Variants in NT5C1B observed in about 807,000 individuals in gnomAD.
The protein encoded by NT5C1B is 5'-nucleotidase, cytosolic IB.
In NT5C1B, 44 loss-of-function variants were observed where a neutral mutation model predicts 57.8. The ratio of observed to expected loss-of-function variants is 0.76; its 90% CI spans 0.60 to 0.98. The LOEUF (loss-of-function observed/expected upper bound fraction) is 0.98. Ranked by LOEUF, NT5C1B falls within the 50% of genes least tolerant of loss-of-function variation. NT5C1B has a pLI of 0.00. For synonymous variants in NT5C1B, 284 were observed against 282.6 expected (o/e 1.00, Z -0.05); for missense variants, 742 against 719.5 (o/e 1.03, Z -0.36).
chr2:18,563,606 T>G, exon 9 of NT5C1B: 1 of 530,604 alleles, frequency 1.9e-6, no homozygotes, highest in South Asian at 4.1e-5. Context: ...TATTGGTAGT[T>G]CAAAGAGAAG....
intron 8 of NT5C1B, among the ~76,000 whole-genome samples, chr2:18,567,475 G>A (rs1026304053): frequency 1.3e-5 from 2 of 152,220 alleles, no homozygotes; most frequent in Non-Finnish European, 2.9e-5. Flanking sequence ...TAGCTGGGAA[G>A]GGGTAAGAAT....
At chr2:18,574,144 G>T (rs1421658839) in intron 8 of NT5C1B, among the ~76,000 whole-genome samples, 3 of 151,990 alleles carry the variant, frequency 2.0e-5, no homozygotes, top group African/African-American at 4.8e-5. Context: ...AATTAAGCTG[G>T]TTAAAAATGG....
At chr2:18,577,006 G>C in intron 6 of NT5C1B, 111 bp from the exon 7 acceptor site, 2 of 1,535,756 alleles carry the variant, frequency 1.3e-6, no homozygotes, top group Non-Finnish European at 1.7e-6. Flanking sequence ...AATTCAACTG[G>C]CTTTATTTGT....
At chr2:18,574,774 A>G (rs1044150337) in intron 8 of NT5C1B, among the ~76,000 whole-genome samples, 1 of 152,124 alleles carries the variant, frequency 6.6e-6, no homozygotes, top group Admixed American at 6.5e-5. Context: ...ATGGTATTGT[A>G]CACTTAAAAA....
chr2:18,583,949 TG>T, intron 5 of NT5C1B, 138 bp downstream of exon 5: 1 of 1,475,196 alleles, frequency 6.8e-7, no homozygotes, highest in Non-Finnish European at 9.4e-7. Context: ...TAAACTGACC[TG>T]GGTCAGCTAG....
At chr2:18,571,718 GTATA>G (rs59799495) in intron 8 of NT5C1B, among the ~76,000 whole-genome samples, 6,195 of 110,296 alleles carry the variant, frequency 0.056, 307 homozygotes, top group Admixed American at 0.12. Context: ...CTGTGTGTGT[GTATA>G]TATATATATA....
intron 6 of NT5C1B, among the ~76,000 whole-genome samples, chr2:18,580,425 T>C (rs1451579847): frequency 6.6e-6 from 1 of 151,988 alleles, no homozygotes; most frequent in East Asian, 1.9e-4. Context: ...ACTGGCCAGA[T>C]CAACATGGAG....
chr2:18,586,789 C>A, intron 2 of NT5C1B: 2 of 855,152 alleles, frequency 2.3e-6, no homozygotes, highest in East Asian at 2.8e-5. Flanking sequence ...AAGGTGAGGG[C>A]AACTGGTGCC....
Position 18,576,755 on chromosome 2 carries a change from A to G in NT5C1B, c.1144+18T>C. The G allele has an allele frequency of 6.2e-7, 1 of 1,612,276 alleles. No individual in the cohort carries two copies. Among genetic ancestry groups the G allele is most frequent in the East Asian group, 2.2e-5 (1 of 44,854 alleles). ...GTAAACCTCTTTATTAACTAGAGGA[A>G]TAAAATCAGACTAATACCTTCTTGT... On this transcript the variant is annotated intron_variant, in intron 7 of 8. Coordinates refer to ENST00000304081, the Ensembl canonical transcript of NT5C1B.
At chr2:18,567,864 G>A (rs1237341745) in intron 8 of NT5C1B, among the ~76,000 whole-genome samples, 1 of 152,126 alleles carries the variant, frequency 6.6e-6, no homozygotes, top group East Asian at 1.9e-4. Context: ...CTTTAAAGGT[G>A]GATACCATAC....
At chr2:18,578,359 A>G (rs1572350853) in intron 6 of NT5C1B, among the ~76,000 whole-genome samples, 1 of 152,170 alleles carries the variant, frequency 6.6e-6, no homozygotes. Flanking sequence ...CACAGATGCA[A>G]AAGTCCTCAA....
chr2:18,581,654 C>T (rs1666195077), intron 6 of NT5C1B, among the ~76,000 whole-genome samples: 1 of 151,858 alleles, frequency 6.6e-6, no homozygotes, highest in Non-Finnish European at 1.5e-5. Context: ...TTCTACAAAT[C>T]CCTAAATCAT....
intron 8 of NT5C1B, among the ~76,000 whole-genome samples, chr2:18,565,180 CCTT>C (rs1664533581): frequency 6.6e-6 from 1 of 152,230 alleles, no homozygotes; most frequent in East Asian, 1.9e-4. Flanking sequence ...CTTCCGTAGA[CCTT>C]CTTTCCCCAT....
chr2:18,577,915 A>G (rs1665851047), intron 6 of NT5C1B, among the ~76,000 whole-genome samples: 1 of 152,182 alleles, frequency 6.6e-6, no homozygotes. Flanking sequence ...ACAATCAGAA[A>G]TGACACAAGT....
rs1350916688 is a variant in NT5C1B at position 18,584,727 on chromosome 2, C to T, written c.510G>A (p.Ser170=). The T allele has an allele frequency of 1.9e-6, 3 of 1,612,578 alleles. No homozygotes were observed. Among genetic ancestry groups the T allele is most frequent in the Admixed American group, 3.3e-5 (2 of 59,948 alleles). ...ACGTGCGCGAATATTCCAGCGGCTG[C>T]GAGTCCCGGGTCTGGCGGATTTCCC... The change falls in exon 4 of 9, where the codon TCG becomes TCA. Residue 170 remains serine (S), a synonymous_variant. Coordinates refer to ENST00000304081, the Ensembl canonical transcript of NT5C1B. This position sits in a 1 kb window ranked among gnomAD's most constrained non-coding sequence, Gnocchi z 5.8.
chr2:18,586,963 C>T lies in NT5C1B; in HGVS notation c.120+540G>A, dbSNP rs760048058. On this transcript the variant is annotated intron_variant, in intron 2 of 8. Coordinates refer to ENST00000304081, the Ensembl canonical transcript of NT5C1B. Reference sequence around the variant, plus strand: ...CTCACCCAGGTTGTCTGTGGTTCCCCTCCAGAATCGGTAGTGTGATCTCTG... The same window carrying T: ...CTCACCCAGGTTGTCTGTGGTTCCCTTCCAGAATCGGTAGTGTGATCTCTG... 28 of 1,614,016 alleles carry T rather than the reference C, an allele frequency of 1.7e-5. No individual in the cohort carries two copies. The Admixed American group carries it at 4.0e-4, about 23-fold the overall frequency.
chr2:18,588,505 T>C (rs1381052323), intron 1 of NT5C1B, among the ~76,000 whole-genome samples: 1 of 152,240 alleles, frequency 6.6e-6, no homozygotes, highest in Non-Finnish European at 1.5e-5. Context: ...GTATGACTCC[T>C]GAACTAATTT....
chr2:18,582,894 C>T (rs758864810), exon 6 of NT5C1B: 20 of 1,613,602 alleles, frequency 1.2e-5, no homozygotes, highest in South Asian at 4.4e-5. Context: ...GTTTATAAGC[C>T]GCACTCCCAC....
chr2:18,567,314 C>A (rs574334109), intron 8 of NT5C1B, among the ~76,000 whole-genome samples: 46 of 152,318 alleles, frequency 3.0e-4, no homozygotes, highest in African/African-American at 1.1e-3. Flanking sequence ...TCCTCCAGGG[C>A]ATGAGTAAAG....
Sources: allele counts gnomAD v4.1 joint callset (sites outside exome capture counted in the v4.1 genomes callset), GRCh38; gene constraint gnomAD v4.1.1; non-coding constraint Gnocchi (gnomAD v3.1); transcripts MANE v1.5; gene names NCBI Gene and HGNC (gene_info 2026-07-23, HGNC 2026-07-21).